ADCY2: variants seen among roughly 807,000 people sequenced by gnomAD.
ADCY2 encodes the protein adenylate cyclase 2.
ADCY2 carries 31 observed loss-of-function variants against 125.2 expected under a neutral mutation model. The ratio of observed to expected loss-of-function variants is 0.25; its 90% CI spans 0.19 to 0.33. The LOEUF (loss-of-function observed/expected upper bound fraction) is 0.33. Ranked by LOEUF, ADCY2 falls within the 10% of genes least tolerant of loss-of-function variation. The pLI is 1.00. For synonymous variants in ADCY2, 512 were observed against 548.4 expected (o/e 0.93, Z 0.93); for missense variants, 904 against 1,418.2 (o/e 0.64, Z 5.82).
chr5:7,534,582 A>G (rs745537997), intron 3 of ADCY2, among the ~76,000 whole-genome samples: 16 of 152,228 alleles, frequency 1.1e-4, no homozygotes, highest in African/African-American at 3.1e-4. Flanking sequence ...ATCTCTAGCC[A>G]TTGGCTGGTT....
At chr5:7,738,822 G>T (rs930497656) in intron 14 of ADCY2, among the ~76,000 whole-genome samples, 1 of 151,810 alleles carries the variant, frequency 6.6e-6, no homozygotes, top group African/African-American at 2.4e-5. Flanking sequence ...CATTTCACCA[G>T]GAGGCGTAAA....
intron 20 of ADCY2, chr5:7,795,997 C>T (rs573762565): frequency 6.6e-6 from 1 of 152,266 alleles, no homozygotes; most frequent in East Asian, 1.9e-4. Flanking sequence ...AGCAAACATT[C>T]ACTTTGTGAA....
chr5:7,552,168 G>A (rs1299995321), intron 3 of ADCY2, among the ~76,000 whole-genome samples: 1 of 152,162 alleles, frequency 6.6e-6, no homozygotes, highest in Non-Finnish European at 1.5e-5. Context: ...TTCCTATCAG[G>A]TATAGAAAGG....
At chr5:7,799,564 A>T (rs1313042344) in intron 20 of ADCY2, 1 of 152,300 alleles carries the variant, frequency 6.6e-6, no homozygotes, top group Non-Finnish European at 1.5e-5. Context: ...TTTGTAGTCC[A>T]AGCTCCCCAG....
chr5:7,497,584 A>T (rs1165909457), intron 2 of ADCY2, among the ~76,000 whole-genome samples: 2 of 152,210 alleles, frequency 1.3e-5, no homozygotes, highest in African/African-American at 4.8e-5. Flanking sequence ...GAAAGCATCC[A>T]AAAGTCATTC....
chr5:7,554,408 T>G (rs1735439790), intron 3 of ADCY2, among the ~76,000 whole-genome samples: 1 of 152,206 alleles, frequency 6.6e-6, no homozygotes, highest in Admixed American at 6.5e-5. Flanking sequence ...CTATTCTTAA[T>G]AAAGAAGTGG....
intron 24 of ADCY2, among the ~76,000 whole-genome samples, chr5:7,825,128 A>ACTGCTGTGTCCCATAATAACG (rs1745426535): frequency 6.7e-6 from 1 of 150,374 alleles, no homozygotes; most frequent in Non-Finnish European, 1.5e-5. Context: ...CCAGAACAAC[A>ACTGCTGTGTCCCATAATAACG]CTGCTGTGTC....
chr5:7,511,318 G>T (rs112193823), intron 2 of ADCY2, among the ~76,000 whole-genome samples: 1 of 152,112 alleles, frequency 6.6e-6, no homozygotes, highest in Non-Finnish European at 1.5e-5. Flanking sequence ...CCTCACGCCT[G>T]TAATCCCAGT....
intron 3 of ADCY2, chr5:7,611,038 T>C (rs1366222878): frequency 1.3e-5 from 2 of 152,194 alleles, no homozygotes; most frequent in African/African-American, 4.8e-5. Flanking sequence ...CTATTCCTTG[T>C]AGCAAGCACA....
Position 7,587,384 on chromosome 5 carries a change from T to C in ADCY2, c.571-38783T>C, listed in dbSNP as rs371972308. Among the ~76,000 whole-genome samples, 12 of 152,380 alleles carry C rather than the reference T, an allele frequency of 7.9e-5. No homozygotes were observed. The South Asian group carries it at 2.5e-3, about 32-fold the overall frequency. The stretch of plus-strand genomic sequence containing the variant: ...GCATCTTCCCTACTCTGTTGCGAGA[T>C]GCTTGATGACGCATAGCGTTTTCTT... On this transcript the variant is annotated intron_variant, in intron 3 of 24. Coordinates refer to ENST00000338316, the MANE Select transcript of ADCY2 (RefSeq NM_020546.3).
intron 2 of ADCY2, among the ~76,000 whole-genome samples, chr5:7,491,576 T>C (rs1743165966): frequency 6.6e-6 from 1 of 152,180 alleles, no homozygotes; most frequent in Non-Finnish European, 1.5e-5. Context: ...TTTTTGTTCT[T>C]TTCTTTTTGT....
intron 3 of ADCY2, among the ~76,000 whole-genome samples, chr5:7,624,496 C>G (rs1360813413): frequency 6.6e-6 from 1 of 152,180 alleles, no homozygotes; most frequent in African/African-American, 2.4e-5. Flanking sequence ...GATGACCACC[C>G]ACTTCAGGGA....
At chr5:7,803,460 C>T (rs1744663372) in intron 21 of ADCY2, among the ~76,000 whole-genome samples, 1 of 152,202 alleles carries the variant, frequency 6.6e-6, no homozygotes, top group Admixed American at 6.5e-5. Flanking sequence ...CCTTCCAGGG[C>T]ATCCTTCATG....
chr5:7,467,388 G>A (rs1359657084), intron 2 of ADCY2, among the ~76,000 whole-genome samples: 3 of 152,210 alleles, frequency 2.0e-5, no homozygotes, highest in African/African-American at 7.2e-5. Flanking sequence ...CCTGACAAGT[G>A]CTTAGTGTCC....
rs1369909927 is a variant in ADCY2 at position 7,802,244 on chromosome 5, C to T, written c.2655C>T (p.Cys885=). 2.6e-5 allele frequency: 42 copies of T among 1,613,812 alleles called. No homozygotes were observed. The highest frequency in any genetic ancestry group is 1.7e-4 in the Middle Eastern group (1 of 6,002). The change falls in exon 21 of 25, where the codon TGC becomes TGT. Residue 885 remains cysteine (C), a synonymous_variant. Transcript: ENST00000338316. The surrounding 1 kb of genome is among the most constrained non-coding windows in gnomAD (Gnocchi z 4.6). ...AGCTATACCACCAGTCCTATGACTG[C>T]GTCTGCGTCATGTTTGCCTCCATTC... ...NEELYHQSYD[C]VCVMFASIPD...
chr5:7,551,040 CCCTTCCTT>C (rs142758043), intron 3 of ADCY2, among the ~76,000 whole-genome samples: 11 of 124,706 alleles, frequency 8.8e-5, no homozygotes, highest in Non-Finnish European at 1.4e-4. Context: ...CTCCCTTCCT[CCCTTCCTT>C]CCTTCCTTCC....
intron 14 of ADCY2, among the ~76,000 whole-genome samples, chr5:7,743,152 T>C (rs1056302554): frequency 6.6e-6 from 1 of 152,218 alleles, no homozygotes; most frequent in Non-Finnish European, 1.5e-5. Context: ...AAAGCCTCGC[T>C]ACACATTTTG....
chr5:7,761,129 A>ATTTCT (rs904295049), intron 16 of ADCY2, among the ~76,000 whole-genome samples: 4 of 99,540 alleles, frequency 4.0e-5, no homozygotes, highest in Non-Finnish European at 6.1e-5. Flanking sequence ...GTGTATCAAA[A>ATTTCT]TTTCTTTTCT....
At chr5:7,457,207 G>C (rs1038568953) in intron 2 of ADCY2, among the ~76,000 whole-genome samples, 12 of 152,176 alleles carry the variant, frequency 7.9e-5, no homozygotes, top group African/African-American at 2.9e-4. Flanking sequence ...TTAGGAGATA[G>C]ATTGAGGTTT....
Sources: gnomAD v4.1 joint callset for allele counts (sites outside exome capture counted in the v4.1 genomes callset) on GRCh38, gnomAD v4.1.1 for gene constraint, Gnocchi (gnomAD v3.1) non-coding constraint, MANE v1.5 for transcripts, NCBI Gene and HGNC (gene_info 2026-07-23, HGNC 2026-07-21) for gene names.